PPP3R1: variants seen among roughly 807,000 people sequenced by gnomAD.
PPP3R1 encodes protein phosphatase 3 regulatory subunit B, alpha.
In PPP3R1, 5 loss-of-function variants were observed where a neutral mutation model predicts 22.6. That is an observed-to-expected ratio of 0.22 (90% CI 0.12 to 0.46). The LOEUF (loss-of-function observed/expected upper bound fraction) is 0.46. PPP3R1 is among the 20% of genes least tolerant of loss of function. PPP3R1 has a pLI of 0.99. For synonymous variants in PPP3R1, 56 were observed against 65.2 expected (o/e 0.86, Z 0.68); for missense variants, 61 against 203.2 (o/e 0.30, Z 4.25).
chr2:68,202,792 A>ATTTTTTTTTTTTTTTTTTT lies in PPP3R1; in HGVS notation c.44-14121_44-14103dup, dbSNP rs71395958. Among the ~76,000 whole-genome samples, 4 of 81,228 alleles carry ATTTTTTTTTTTTTTTTTTT rather than the reference A, an allele frequency of 4.9e-5. 1 individual carries two copies. Among genetic ancestry groups the ATTTTTTTTTTTTTTTTTTT allele is most frequent in the African/African-American group, 2.5e-4 (4 of 16,158 alleles). The allele number at this position is 81,228 out of a possible 152,430, so 53.3% of individuals were successfully genotyped here. On this transcript the variant is annotated intron_variant, in intron 2 of 5. Transcript: ENST00000234310. ...TAATATATACTAGAGAGTTCAGGGAATTTTTTTTTTTTTTTTTTTTTTTTT... is the reference window on the plus strand; with the variant it reads ...TAATATATACTAGAGAGTTCAGGGAATTTTTTTTTTTTTTTTTTTTTTTTTTTTTTTTTTTTTTTTTTTT...
intron 2 of PPP3R1, among the ~76,000 whole-genome samples, chr2:68,210,149 G>T (rs1669451354): frequency 6.6e-6 from 1 of 152,170 alleles, no homozygotes; most frequent in African/African-American, 2.4e-5. Flanking sequence ...GTTCAGAATG[G>T]TTGTGGCAGT....
chr2:68,206,897 C>T (rs1441145621), intron 2 of PPP3R1, among the ~76,000 whole-genome samples: 6 of 152,122 alleles, frequency 3.9e-5, no homozygotes, highest in Non-Finnish European at 8.8e-5. Context: ...TGAGAGGACA[C>T]TGTGGCTGGG....
intron 1 of PPP3R1, among the ~76,000 whole-genome samples, chr2:68,248,428 T>G (rs948332460): frequency 1.3e-5 from 2 of 152,236 alleles, no homozygotes; most frequent in Non-Finnish European, 2.9e-5. Context: ...TAAGTACATA[T>G]AGTTAGTGCT....
intron 1 of PPP3R1, among the ~76,000 whole-genome samples, chr2:68,231,970 C>A (rs2103793728): frequency 6.6e-6 from 1 of 151,374 alleles, no homozygotes; most frequent in South Asian, 2.1e-4. Context: ...ATCTTAAGAT[C>A]TTATTTAGGC....
At chr2:68,212,751 T>G (rs1430403165) in intron 2 of PPP3R1, among the ~76,000 whole-genome samples, 3 of 152,240 alleles carry the variant, frequency 2.0e-5, no homozygotes, top group Non-Finnish European at 4.4e-5. Context: ...GAGAGGAAAT[T>G]TAGCATAATT....
chr2:68,221,382 C>T (rs527572756), intron 1 of PPP3R1, among the ~76,000 whole-genome samples: 4 of 151,756 alleles, frequency 2.6e-5, no homozygotes, highest in African/African-American at 7.3e-5. Context: ...CCTGTAGTCT[C>T]GGCTACTCAG....
intron 2 of PPP3R1, among the ~76,000 whole-genome samples, chr2:68,214,718 G>A (rs1314204065): frequency 6.6e-6 from 1 of 152,188 alleles, no homozygotes; most frequent in Non-Finnish European, 1.5e-5. Context: ...GGGAAGCAGT[G>A]TAGCTATTCC....
At chr2:68,245,189 G>A (rs1421397325) in intron 1 of PPP3R1, among the ~76,000 whole-genome samples, 1 of 152,024 alleles carries the variant, frequency 6.6e-6, no homozygotes. Context: ...TGCGCAACAT[G>A]GCAAGACCCT....
chr2:68,198,536 CTCTAT>C (rs1674886239), intron 2 of PPP3R1, among the ~76,000 whole-genome samples: 1 of 115,278 alleles, frequency 8.7e-6, no homozygotes, highest in Non-Finnish European at 1.8e-5. Context: ...AGTCTGGACC[CTCTAT>C]TCTGTTTCAT....
At chr2:68,208,800 G>A (rs7573449) in intron 2 of PPP3R1, among the ~76,000 whole-genome samples, 113,145 of 151,806 alleles carry the variant, frequency 0.75, 43,223 homozygotes, top group African/African-American at 0.93. Context: ...GCGCTCACCT[G>A]TAATCCCAGC....
chr2:68,219,318 TATAAAG>T (rs200662844), intron 1 of PPP3R1, among the ~76,000 whole-genome samples: 5,138 of 152,252 alleles, frequency 0.034, 253 homozygotes, highest in African/African-American at 0.11. Flanking sequence ...AACATGGCAA[TATAAAG>T]ATAATTTTGT....
chr2:68,204,506 C>G (rs1051001821), intron 2 of PPP3R1, among the ~76,000 whole-genome samples: 4 of 151,982 alleles, frequency 2.6e-5, no homozygotes, highest in African/African-American at 9.7e-5. Context: ...ACATGATGGC[C>G]TAAGATCAAA....
rs1223030919 is a variant in PPP3R1, at chr2:68,249,633, A to AT, written c.3+2491dup. ...TTCCTAGGAGCTCACTATTTACAAG[A>AT]TTTTTTTTTTTAACATATAACCTTC... is the stretch of plus-strand genomic sequence containing the variant. On this transcript the variant is annotated intron_variant, in intron 1 of 5. Coordinates refer to ENST00000234310, the MANE Select transcript of PPP3R1 (RefSeq NM_000945.4). Among the ~76,000 whole-genome samples the AT allele has an allele frequency of 7.3e-3, 1,078 of 148,490 alleles. 6 individuals are homozygous for AT. The highest frequency in any genetic ancestry group is 0.021 in the African/African-American group (866 of 40,646).
Position 68,217,039 on chromosome 2 carries a change from C to CGTAG in PPP3R1, c.43+52_43+53insCTAC, listed in dbSNP as rs1553407217. 1.8e-6 allele frequency: 2 copies of CGTAG among 1,084,904 alleles called. 1 individual carries two copies. The highest frequency in any genetic ancestry group is 2.7e-6 in the Non-Finnish European group (2 of 749,216). The allele number at this position is 1,084,904 out of a possible 1,614,324, so 67.2% of individuals were successfully genotyped here. A position where few individuals can be genotyped will look rare whatever the true frequency, so the allele number is the denominator to read the frequency against. ...ACACACACACACACACACACACACA[C>CGTAG]AGAGAGAGATGAGTGAATAAAAGTA... On this transcript the variant is annotated intron_variant, in intron 2 of 5. Coordinates refer to ENST00000234310, the MANE Select transcript of PPP3R1 (RefSeq NM_000945.4).
chr2:68,189,048 T>A (rs1674607543), intron 2 of PPP3R1, among the ~76,000 whole-genome samples: 1 of 152,206 alleles, frequency 6.6e-6, no homozygotes, highest in East Asian at 1.9e-4. Flanking sequence ...AATGCTAAGC[T>A]GATCACGGAG....
chr2:68,224,775 A>G (rs1038197965), intron 1 of PPP3R1, among the ~76,000 whole-genome samples: 1 of 152,222 alleles, frequency 6.6e-6, no homozygotes, highest in Non-Finnish European at 1.5e-5. Context: ...ACAATTTTCA[A>G]GAAAGGTTTC....
At position 68,213,158 on chromosome 2, in the gene PPP3R1, A is replaced by C. The variant is rs911788322; in HGVS notation, c.43+3934T>G. On this transcript the variant is annotated intron_variant, in intron 2 of 5. Coordinates refer to ENST00000234310, the MANE Select transcript of PPP3R1 (RefSeq NM_000945.4). ...TTTGTTCACTGGAGTTAGCACTATT[A>C]ATTTCCTTTAAGAACTTTTCCTTTG... Among the ~76,000 whole-genome samples the C allele has an allele frequency of 3.9e-5, 6 of 152,266 alleles. No homozygotes were observed. In the South Asian group the frequency reaches 1.2e-3, roughly 32 times the overall value.
Position 68,252,410 on chromosome 2 carries a change from A to C in PPP3R1, c.-283T>G. 1 of 998,168 alleles carries C rather than the reference A, an allele frequency of 1.0e-6. No individual in the cohort carries two copies. The highest frequency in any genetic ancestry group is 1.2e-6 in the Non-Finnish European group (1 of 839,580). The allele number at this position is 998,168 out of a possible 1,614,324, so 61.8% of individuals were successfully genotyped here. On this transcript the variant is annotated 5_prime_UTR_variant, in exon 1 of 6. Coordinates refer to ENST00000234310, the MANE Select transcript of PPP3R1 (RefSeq NM_000945.4). The stretch of plus-strand genomic sequence containing the variant: ...GCGAGAGGCAGGAGAGGCAGAGAAG[A>C]AGAAAGGAGGGGGAGAGGGGGCGAA...
intron 2 of PPP3R1, among the ~76,000 whole-genome samples, chr2:68,213,565 G>T (rs1018742247): frequency 3.3e-5 from 5 of 152,128 alleles, no homozygotes; most frequent in Non-Finnish European, 7.4e-5. Context: ...ATATAATAAT[G>T]AAAAGGTATG....
Sources: gnomAD v4.1 joint callset for allele counts (sites outside exome capture counted in the v4.1 genomes callset) on GRCh38, gnomAD v4.1.1 for gene constraint, MANE v1.5 for transcripts, NCBI Gene and HGNC (gene_info 2026-07-23, HGNC 2026-07-21) for gene names.